ONECUT3: variants seen among roughly 807,000 people sequenced by gnomAD.
ONECUT3 encodes one cut homeobox 3.
A neutral mutation model predicts 16.8 loss-of-function variants in ONECUT3; 11 were observed. The observed-to-expected ratio is 0.66, with a 90% CI of 0.41 to 1.09. The LOEUF (loss-of-function observed/expected upper bound fraction) is 1.09, where lower values mean the gene tolerates loss of function less well. Among genes scored for constraint, ONECUT3 ranks in the 50% least tolerant of loss-of-function variants. The probability of loss-of-function intolerance (pLI) is 0.00; values close to 1 mark genes in which losing one functional copy is unlikely to be tolerated. For missense variants in ONECUT3, 637 were observed against 629.9 expected, an observed-to-expected ratio of 1.01 and a Z score of -0.12; for synonymous variants, 344 against 310.7, an observed-to-expected ratio of 1.11 and a Z score of -1.13.
rs565409221 is a variant in ONECUT3 at position 1,779,794 on chromosome 19, A to G, written c.*4349A>G. On this transcript the variant is annotated 3_prime_UTR_variant, in exon 2 of 2. Coordinates refer to ENST00000382349, the MANE Select transcript of ONECUT3 (RefSeq NM_001080488.2). ...TCCTCCTTTCTAAGGAACTGTGTCC[A>G]GCCGGGACAGGTGGACGGGGCCCCA... 1 of 152,054 alleles carries G rather than the reference A, an allele frequency of 6.6e-6. No individual in the cohort carries two copies. Among genetic ancestry groups the G allele is most frequent in the Non-Finnish European group, 1.5e-5 (1 of 68,072 alleles). 9.4% of individuals were successfully genotyped at this position (152,054 alleles called of 1,614,324 possible). A position where few individuals can be genotyped will look rare whatever the true frequency, so the allele number is the denominator to read the frequency against.
At chr19:1,765,080 G>A (rs920677825) in intron 1 of ONECUT3, among the ~76,000 whole-genome samples, 2 of 152,070 alleles carry the variant, frequency 1.3e-5, no homozygotes, top group East Asian at 1.9e-4. Flanking sequence ...ACAGACTGTC[G>A]GGCACAGAGG....
At chr19:1,772,007 A>G (rs1281423323) in intron 1 of ONECUT3, among the ~76,000 whole-genome samples, 1 of 146,814 alleles carries the variant, frequency 6.8e-6, no homozygotes, top group African/African-American at 2.5e-5. Context: ...TTATTTATTT[A>G]TTTATTTATT....
chr19:1,776,236 C>T lies in ONECUT3; in HGVS notation c.*791C>T, dbSNP rs532055934. 6.6e-6 allele frequency: 1 copy of T among 152,512 alleles called. No homozygotes were observed. Among genetic ancestry groups the T allele is most frequent in the Non-Finnish European group, 1.5e-5 (1 of 68,174 alleles). 9.4% of individuals were successfully genotyped at this position (152,512 alleles called of 1,614,324 possible). ...CGGGTAAATTCCAGACGCCCCCGCC[C>T]CGCCCCGTCTGTTGAGTTCACTTTA... On this transcript the variant is annotated 3_prime_UTR_variant, in exon 2 of 2. Coordinates refer to ENST00000382349, the MANE Select transcript of ONECUT3 (RefSeq NM_001080488.2). This position sits in a 1 kb window ranked among gnomAD's most constrained non-coding sequence, Gnocchi z 4.9.
intron 1 of ONECUT3, among the ~76,000 whole-genome samples, chr19:1,774,000 C>T (rs4807140): frequency 0.39 from 58,691 of 151,782 alleles, 11,760 homozygotes; most frequent in Middle Eastern, 0.48. Context: ...CAGCCCTCTC[C>T]GTGATCTGTG....
At chr19:1,757,543 C>T (rs1351439958) in intron 1 of ONECUT3, among the ~76,000 whole-genome samples, 1 of 152,180 alleles carries the variant, frequency 6.6e-6, no homozygotes, top group African/African-American at 2.4e-5. Context: ...TGCTCTCTGC[C>T]GGGTCCGCTG....
At position 1,778,887 on chromosome 19, in the gene ONECUT3, C is replaced by CACACACACACACACAT. The variant is rs1373304280; in HGVS notation, c.*3457_*3458insTACACACACACACACA. ...CGTATCACACACACACACACACACA[C>CACACACACACACACAT]ACACACACACACACACACACACACA... On this transcript the variant is annotated 3_prime_UTR_variant, in exon 2 of 2. Transcript: ENST00000382349. 2.5e-4 allele frequency: 37 copies of CACACACACACACACAT among 150,606 alleles called. No individual in the cohort carries two copies. The highest frequency in any genetic ancestry group is 8.4e-4 in the African/African-American group (34 of 40,664). The allele number at this position is 150,606 out of a possible 1,614,324, so 9.3% of individuals were successfully genotyped here.
At position 1,762,482 on chromosome 19, in the gene ONECUT3, C is replaced by A. The variant is rs1395474316; in HGVS notation, c.1192+7628C>A. On this transcript the variant is annotated intron_variant, in intron 1 of 1. Coordinates refer to ENST00000382349, the MANE Select transcript of ONECUT3 (RefSeq NM_001080488.2). This position sits in a 1 kb window ranked among gnomAD's most constrained non-coding sequence, Gnocchi z 4.4. ...GATGACTGTGCCTCAGTTTCCATCACCCAGCAAACGCCGTCCCGCAGCACC... is the reference window on the plus strand; with the variant it reads ...GATGACTGTGCCTCAGTTTCCATCAACCAGCAAACGCCGTCCCGCAGCACC... Among the ~76,000 whole-genome samples the A allele has an allele frequency of 6.6e-6, 1 of 152,258 alleles. No homozygotes were observed. The highest frequency in any genetic ancestry group is 1.5e-5 in the Non-Finnish European group (1 of 68,030).
chr19:1,771,974 C>G lies in ONECUT3; in HGVS notation c.1193-3179C>G, dbSNP rs541052889. On this transcript the variant is annotated intron_variant, in intron 1 of 1. Coordinates refer to ENST00000382349, the MANE Select transcript of ONECUT3 (RefSeq NM_001080488.2). Reference sequence around the variant, plus strand: ...GATTAGAGGCATGAGCCACTTCATCCAGCCTATTTAGTTATTATTTATTTA... The same window carrying G: ...GATTAGAGGCATGAGCCACTTCATCGAGCCTATTTAGTTATTATTTATTTA... Among the ~76,000 whole-genome samples, 202 of 150,948 alleles carry G rather than the reference C, an allele frequency of 1.3e-3. 2 individuals carry two copies. The highest frequency in any genetic ancestry group is 4.5e-3 in the African/African-American group (184 of 41,016).
At position 1,764,226 on chromosome 19, in the gene ONECUT3, G is replaced by A. The variant is rs1208128150; in HGVS notation, c.1192+9372G>A. On this transcript the variant is annotated intron_variant, in intron 1 of 1. Coordinates refer to ENST00000382349, the MANE Select transcript of ONECUT3 (RefSeq NM_001080488.2). The surrounding 1 kb of genome is among the most constrained non-coding windows in gnomAD (Gnocchi z 5.0). ...GGGTGCCTGAATGGGGTGGGTCTCTGTAGCTGAATGTCCGAGGGTGAGAGG... is the reference window on the plus strand; with the variant it reads ...GGGTGCCTGAATGGGGTGGGTCTCTATAGCTGAATGTCCGAGGGTGAGAGG... Among the ~76,000 whole-genome samples the A allele has an allele frequency of 1.3e-5, 2 of 152,180 alleles. No individual in the cohort carries two copies. The highest frequency in any genetic ancestry group is 2.4e-5 in the African/African-American group (1 of 41,440).
chr19:1,776,999 C>G lies in ONECUT3; in HGVS notation c.*1554C>G, dbSNP rs1349891475. On this transcript the variant is annotated 3_prime_UTR_variant, in exon 2 of 2. Coordinates refer to ENST00000382349, the MANE Select transcript of ONECUT3 (RefSeq NM_001080488.2). This position sits in a 1 kb window ranked among gnomAD's most constrained non-coding sequence, Gnocchi z 4.9. ...TCGGGGCCCCGCCTGCCGAGTGCCA[C>G]CCCTTCCCGAACCTGAGAGCGAAAG... The G allele has an allele frequency of 1.3e-5, 2 of 151,514 alleles. No individual in the cohort carries two copies. Among genetic ancestry groups the G allele is most frequent in the Admixed American group, 1.3e-4 (2 of 15,194 alleles). 9.4% of individuals were successfully genotyped at this position (151,514 alleles called of 1,614,324 possible). A position where few individuals can be genotyped will look rare whatever the true frequency, so the allele number is the denominator to read the frequency against.
intron 1 of ONECUT3, among the ~76,000 whole-genome samples, chr19:1,761,518 G>A (rs555533273): frequency 6.6e-5 from 10 of 152,326 alleles, no homozygotes; most frequent in East Asian, 1.9e-4. Flanking sequence ...GGCCTCCTGC[G>A]TGGATGTGGG....
Position 1,764,091 on chromosome 19 carries a change from C to A in ONECUT3, c.1192+9237C>A, listed in dbSNP as rs1185668041. Among the ~76,000 whole-genome samples the A allele has an allele frequency of 6.6e-6, 1 of 152,208 alleles. No individual in the cohort carries two copies. Among genetic ancestry groups the A allele is most frequent in the East Asian group, 1.9e-4 (1 of 5,190 alleles). The stretch of plus-strand genomic sequence containing the variant: ...TTATCACTGATTCCTTTCCTGTCAT[C>A]TTTTTCAAATCCATTTCCCACTGCA... On this transcript the variant is annotated intron_variant, in intron 1 of 1. Coordinates refer to ENST00000382349, the MANE Select transcript of ONECUT3 (RefSeq NM_001080488.2). This position sits in a 1 kb window ranked among gnomAD's most constrained non-coding sequence, Gnocchi z 5.0.
rs995746261 is a variant in ONECUT3, at chr19:1,780,006, C to G, written c.*4561C>G. On this transcript the variant is annotated 3_prime_UTR_variant, in exon 2 of 2. Coordinates refer to ENST00000382349, the MANE Select transcript of ONECUT3 (RefSeq NM_001080488.2). ...TAGACCCCCCCAACCCCCCATCACC[C>G]GGTTGCTTTCACTCTAGCATGAATT... The G allele has an allele frequency of 6.5e-6, 1 of 153,440 alleles. No individual in the cohort carries two copies. The highest frequency in any genetic ancestry group is 2.1e-4 in the South Asian group (1 of 4,840). The allele number at this position is 153,440 out of a possible 1,614,324, so 9.5% of individuals were successfully genotyped here. A position where few individuals can be genotyped will look rare whatever the true frequency, so the allele number is the denominator to read the frequency against.
In ONECUT3 at chr19:1,764,876, G is replaced by A. The variant is rs148117272; in HGVS notation, c.1192+10022G>A. On this transcript the variant is annotated intron_variant, in intron 1 of 1. Transcript: ENST00000382349. This position sits in a 1 kb window ranked among gnomAD's most constrained non-coding sequence, Gnocchi z 5.0. ...CAGTACAACCCACATCTGGGGCAGG[G>A]CAGCTGGTGGCGGGGACAGGACGCG... 0.024 allele frequency among the ~76,000 whole-genome samples: 3,572 copies of A among 151,950 alleles called. 158 individuals carry two copies. The highest frequency in any genetic ancestry group is 0.081 in the African/African-American group (3,361 of 41,294).
chr19:1,756,025 C>T (rs922197706), intron 1 of ONECUT3, among the ~76,000 whole-genome samples: 1 of 152,148 alleles, frequency 6.6e-6, no homozygotes, highest in African/African-American at 2.4e-5. Flanking sequence ...AGCACAAGGG[C>T]GAGAAAGGCG....
chr19:1,759,258 A>T lies in ONECUT3; in HGVS notation c.1192+4404A>T, dbSNP rs980919369. ...TGCCAGGGACTGGGGACCTGAGGGG[A>T]AGGACATGGAAAGGAAAAAGAGGCA... On this transcript the variant is annotated intron_variant, in intron 1 of 1. Coordinates refer to ENST00000382349, the MANE Select transcript of ONECUT3 (RefSeq NM_001080488.2). This position sits in a 1 kb window ranked among gnomAD's most constrained non-coding sequence, Gnocchi z 4.1. Among the ~76,000 whole-genome samples, 10 of 151,980 alleles carry T rather than the reference A, an allele frequency of 6.6e-5. No individual in the cohort carries two copies. The highest frequency in any genetic ancestry group is 4.6e-4 in the Admixed American group (7 of 15,266).
Position 1,753,651 on chromosome 19 carries a change from G to A in ONECUT3, c.-12G>A. The A allele has an allele frequency of 9.6e-7, 1 of 1,036,810 alleles. No homozygotes were observed. The highest frequency in any genetic ancestry group is 1.2e-6 in the Non-Finnish European group (1 of 859,320). 64.2% of individuals were successfully genotyped at this position (1,036,810 alleles called of 1,614,324 possible). On this transcript the variant is annotated 5_prime_UTR_variant, in exon 1 of 2. Coordinates refer to ENST00000382349, the MANE Select transcript of ONECUT3 (RefSeq NM_001080488.2). ...GCGCTGAGGAGCGCGCGCGGCGGGA[G>A]GGCAGCCGAGCATGGAGCTGAGCCT...
At position 1,766,808 on chromosome 19, in the gene ONECUT3, AC is replaced by A. The variant is rs147601844; in HGVS notation, c.1193-8335del. ...GCAGGGTCTTGCAGGCTGGGCTGAGACCCCCCCCCCATGCTCCACCACCCTC... is the reference window on the plus strand; with the variant it reads ...GCAGGGTCTTGCAGGCTGGGCTGAGACCCCCCCCCATGCTCCACCACCCTC... On this transcript the variant is annotated intron_variant, in intron 1 of 1. Transcript: ENST00000382349. This position sits in a 1 kb window ranked among gnomAD's most constrained non-coding sequence, Gnocchi z 4.0. Among the ~76,000 whole-genome samples the A allele has an allele frequency of 0.086, 11,405 of 132,618 alleles. 522 individuals are homozygous for A. Among genetic ancestry groups the A allele is most frequent in the African/African-American group, 0.15 (5,417 of 36,990 alleles). 87.0% of individuals were successfully genotyped at this position (132,618 alleles called of 152,430 possible).
intron 1 of ONECUT3, among the ~76,000 whole-genome samples, chr19:1,768,908 G>GAGGTGGAGGTGA (rs2068021684): frequency 8.7e-6 from 1 of 115,418 alleles, no homozygotes; most frequent in Non-Finnish European, 1.9e-5. Context: ...GGAGGTGGTG[G>GAGGTGGAGGTGA]AGGTGGAGGT....
Sources: allele counts gnomAD v4.1 joint callset (sites outside exome capture counted in the v4.1 genomes callset), GRCh38; gene constraint gnomAD v4.1.1; non-coding constraint Gnocchi (gnomAD v3.1); transcripts MANE v1.5; gene names NCBI Gene and HGNC (gene_info 2026-07-23, HGNC 2026-07-21).